The following PLEKHM2 variants were observed in gnomAD, a reference collection of about 807,000 sequenced individuals.
PLEKHM2 encodes pleckstrin homology and RUN domain containing M2.
Under a neutral mutation model 116.3 loss-of-function variants are expected in PLEKHM2, and 77 were observed. That is an observed-to-expected ratio of 0.66 (90% CI 0.55 to 0.80). The LOEUF (loss-of-function observed/expected upper bound fraction) is 0.80, where lower values mean the gene tolerates loss of function less well. PLEKHM2 is among the 30% of genes least tolerant of loss of function. The pLI, the probability that PLEKHM2 is intolerant of heterozygous loss-of-function variation, is 0.00. For synonymous variants in PLEKHM2, 562 were observed against 571.0 expected (o/e 0.98, Z 0.22); for missense variants, 1,183 against 1,354.9 (o/e 0.87, Z 1.99).
intron 8 of PLEKHM2, among the ~76,000 whole-genome samples, chr1:15,726,339 C>G (rs1046487868): frequency 2.6e-5 from 4 of 152,216 alleles, no homozygotes; most frequent in African/African-American, 9.7e-5. Context: ...CTCCCCGACC[C>G]CCTCTTAAAA....
In PLEKHM2 at chr1:15,728,364, G is replaced by A. The variant is rs370152002; in HGVS notation, c.1921+7G>A. The A allele has an allele frequency of 3.8e-5, 61 of 1,609,496 alleles. 1 individual carries two copies. Among genetic ancestry groups the A allele is most frequent in the African/African-American group, 3.7e-4 (28 of 74,878 alleles). ...GTCTACCTGCTCCGGAAAGGTGCCC[G>A]CCGCCCCCGGGCAGACAGCGGGTTG... On this transcript the variant is annotated splice_region_variant and intron_variant, in intron 11 of 19. Transcript: ENST00000375799. The surrounding 1 kb of genome is among the most constrained non-coding windows in gnomAD (Gnocchi z 5.9).
chr1:15,701,259 C>G (rs1252371451), intron 1 of PLEKHM2, among the ~76,000 whole-genome samples: 2 of 150,880 alleles, frequency 1.3e-5, no homozygotes, highest in Non-Finnish European at 2.9e-5. Context: ...TGGTGAAACC[C>G]CATCTCTACT....
Position 15,732,607 on chromosome 1 carries a change from C to T in PLEKHM2, c.2806-5C>T. ...CTGCTCACCCGGGGGCCTGGCTCTC[C>T]CTAGGAGTTCTCCCAGGACAGCCAG... On this transcript the variant is annotated splice_polypyrimidine_tract_variant and splice_region_variant and intron_variant, in intron 18 of 19. Coordinates refer to ENST00000375799, the MANE Select transcript of PLEKHM2 (RefSeq NM_015164.4). 1 of 1,599,282 alleles carries T rather than the reference C, an allele frequency of 6.3e-7. No individual in the cohort carries two copies. Among genetic ancestry groups the T allele is most frequent in the Non-Finnish European group, 8.5e-7 (1 of 1,173,232 alleles).
chr1:15,731,215 C>T lies in PLEKHM2; in HGVS notation c.2423C>T (p.Pro808Leu), dbSNP rs1473188111. Residue 808 changes from proline (P) to leucine (L), a missense_variant, in exon 16 of 20, where the codon CCG becomes CTG. Coordinates refer to ENST00000375799, the MANE Select transcript of PLEKHM2 (RefSeq NM_015164.4). Reference sequence around the variant, plus strand: ...AGCAACGGGATCCTCTACCAGTACCCGGACCGCACCGACGTCATCCCTCTG... The same window carrying T: ...AGCAACGGGATCCTCTACCAGTACCTGGACCGCACCGACGTCATCCCTCTG... ...VLSNGILYQYPDRTDVIPLLS... is the reference protein window; with the variant it reads ...VLSNGILYQYLDRTDVIPLLS... 8 of 1,598,588 alleles carry T rather than the reference C, an allele frequency of 5.0e-6. No homozygotes were observed. The highest frequency in any genetic ancestry group is 6.0e-6 in the Non-Finnish European group (7 of 1,172,474).
At chr1:15,718,139 C>G (rs1456559596) in intron 4 of PLEKHM2, 147 bp downstream of exon 4, 9 of 637,516 alleles carry the variant, frequency 1.4e-5, no homozygotes, top group Non-Finnish European at 2.5e-5. Context: ...GGGTAGCCTT[C>G]ACCAGGAGCA....
intron 1 of PLEKHM2, among the ~76,000 whole-genome samples, chr1:15,712,380 A>G (rs1641353345): frequency 6.6e-6 from 1 of 152,176 alleles, no homozygotes; most frequent in Non-Finnish European, 1.5e-5. Context: ...GACATTCTAG[A>G]CGGCCAGGTG....
intron 1 of PLEKHM2, among the ~76,000 whole-genome samples, chr1:15,705,999 G>A (rs1641218163): frequency 1.3e-5 from 2 of 152,122 alleles, no homozygotes; most frequent in South Asian, 2.1e-4. Flanking sequence ...TGAAGTGGGA[G>A]GATCGATTGA....
In PLEKHM2 at chr1:15,727,853, G is replaced by C. The variant is rs1486262118; in HGVS notation, c.1760+21G>C. 6 of 1,514,074 alleles carry C rather than the reference G, an allele frequency of 4.0e-6. No individual in the cohort carries two copies. The Admixed American group carries it at 6.0e-5, about 15-fold the overall frequency. The allele number at this position is 1,514,074 out of a possible 1,614,324, so 93.8% of individuals were successfully genotyped here. ...TTCAGGTAACAAGACTCTGCAGCTG[G>C]CATGGGACTCTCCCAGCCCTTGAAG... On this transcript the variant is annotated intron_variant, in intron 9 of 19. Coordinates refer to ENST00000375799, the MANE Select transcript of PLEKHM2 (RefSeq NM_015164.4). This position sits in a 1 kb window ranked among gnomAD's most constrained non-coding sequence, Gnocchi z 7.5.
chr1:15,716,149 T>C (rs76087866), intron 1 of PLEKHM2, 88 bp from the exon 2 acceptor site: 1 of 791,674 alleles, frequency 1.3e-6, no homozygotes, highest in African/African-American at 1.8e-5. Context: ...ATTTGACTAA[T>C]TTTTTTTAGC....
Position 15,730,570 on chromosome 1 carries a change from C to A in PLEKHM2, c.2247C>A (p.His749Gln), listed in dbSNP as rs897265600. 1 of 1,603,254 alleles carries A rather than the reference C, an allele frequency of 6.2e-7. No homozygotes were observed. Among genetic ancestry groups the A allele is most frequent in the Admixed American group, 1.7e-5 (1 of 58,790 alleles). ...AVTVRFYGLV[H>Q]WEDPTDESLG... ...CCGTGCGCTTCTACGGCCTTGTGCA[C>A]TGGGAGGACCCCACAGACGAGTCCC... The change falls in exon 15 of 20, where the codon CAC becomes CAA. Residue 749 changes from histidine (H) to glutamine (Q), a missense_variant. This residue lies in a region of PLEKHM2 where 594 missense variants were observed against 720.1 expected (regional missense o/e 0.82). Coordinates refer to ENST00000375799, the MANE Select transcript of PLEKHM2 (RefSeq NM_015164.4).
intron 1 of PLEKHM2, among the ~76,000 whole-genome samples, chr1:15,693,754 G>T (rs533859234): frequency 6.6e-6 from 1 of 152,322 alleles, no homozygotes; most frequent in Non-Finnish European, 1.5e-5. Flanking sequence ...TGACACAAAT[G>T]TTAGGTCTGG....
At position 15,719,991 on chromosome 1, in the gene PLEKHM2, G is replaced by A. The variant is rs2067968254; in HGVS notation, c.652+71G>A. On this transcript the variant is annotated intron_variant, in intron 6 of 19. Transcript: ENST00000375799. The surrounding 1 kb of genome is among the most constrained non-coding windows in gnomAD (Gnocchi z 4.1). ...GACTTGAACTGCTTAAGCCTGGCTGGGTGATGTCTTCCTTGGCTAGTTTTG... is the reference window on the plus strand; with the variant it reads ...GACTTGAACTGCTTAAGCCTGGCTGAGTGATGTCTTCCTTGGCTAGTTTTG... 1.6e-6 allele frequency: 2 copies of A among 1,285,556 alleles called. No homozygotes were observed. The highest frequency in any genetic ancestry group is 3.0e-5 in the South Asian group (2 of 66,472). 79.6% of individuals were successfully genotyped at this position (1,285,556 alleles called of 1,614,324 possible). A position where few individuals can be genotyped will look rare whatever the true frequency, so the allele number is the denominator to read the frequency against.
chr1:15,700,693 T>A (rs1197386729), intron 1 of PLEKHM2, among the ~76,000 whole-genome samples: 1 of 152,184 alleles, frequency 6.6e-6, no homozygotes, highest in Admixed American at 6.5e-5. Context: ...TTCTAAGGGC[T>A]CTTCTGCTCT....
intron 4 of PLEKHM2, 60 bp from the exon 5 acceptor site, chr1:15,718,478 G>A (rs1641491152): frequency 1.0e-6 from 1 of 997,466 alleles, no homozygotes; most frequent in African/African-American, 1.6e-5. Context: ...ATGTTGGTAA[G>A]GTTAGGCCAG....
intron 1 of PLEKHM2, among the ~76,000 whole-genome samples, chr1:15,704,250 C>T (rs74054827): frequency 0.03 from 4,569 of 151,930 alleles, 236 homozygotes; most frequent in African/African-American, 0.1. Context: ...TTGGCAAAAC[C>T]GGTCAAAGGG....
In PLEKHM2 at chr1:15,727,685, C is replaced by T. The variant is rs927240759; in HGVS notation, c.1613C>T (p.Pro538Leu). Residue 538 changes from proline to leucine, a missense_variant, in exon 9 of 20, where the codon CCT becomes CTT. Physicochemically the swap from Pro to Leu is moderately conservative, Grantham distance 98. Coordinates refer to ENST00000375799, the MANE Select transcript of PLEKHM2 (RefSeq NM_015164.4). The surrounding 1 kb of genome is among the most constrained non-coding windows in gnomAD (Gnocchi z 7.5). ...CAGCTGTCCCTGGTCAGGGAGGGGC[C>T]TGTGTCTGAGCCAGAGCCTGGGACC... ...EAQLSLVREG[P>L]VSEPEPGTQE... is the part of the protein sequence containing the mutation. The T allele has an allele frequency of 2.0e-5, 32 of 1,594,822 alleles. 1 individual carries two copies. In the East Asian group the frequency reaches 7.3e-4, roughly 36 times the overall value.
intron 1 of PLEKHM2, among the ~76,000 whole-genome samples, chr1:15,691,684 T>C (rs1640891072): frequency 6.6e-6 from 1 of 152,208 alleles, no homozygotes; most frequent in Non-Finnish European, 1.5e-5. Flanking sequence ...CGCTGGTGAA[T>C]GAGCCACAGC....
At position 15,732,391 on chromosome 1, in the gene PLEKHM2, C is replaced by T; in HGVS notation, c.2667C>T (p.Cys889=). Residue 889 remains cysteine, a synonymous_variant, in exon 18 of 20, where the codon TGC becomes TGT. Coordinates refer to ENST00000375799, the MANE Select transcript of PLEKHM2 (RefSeq NM_015164.4). ...QGVAPSPCIP[C]CLVLTDDRLF... ...TAGCTCCCAGCCCCTGCATACCCTG[C>T]TGCCTGGTCCTCACGGATGACCGCC... 1 of 1,562,800 alleles carries T rather than the reference C, an allele frequency of 6.4e-7. No individual in the cohort carries two copies. The highest frequency in any genetic ancestry group is 8.7e-7 in the Non-Finnish European group (1 of 1,153,648).
intron 1 of PLEKHM2, among the ~76,000 whole-genome samples, chr1:15,700,696 T>C (rs2148340334): frequency 6.6e-6 from 1 of 152,304 alleles, no homozygotes; most frequent in Admixed American, 6.5e-5. Flanking sequence ...TAAGGGCTCT[T>C]CTGCTCTTCG....
Sources: allele counts gnomAD v4.1 joint callset (sites outside exome capture counted in the v4.1 genomes callset), GRCh38; gene constraint gnomAD v4.1.1; regional missense constraint gnomAD v4.1.1; non-coding constraint Gnocchi (gnomAD v3.1); transcripts MANE v1.5; gene names NCBI Gene and HGNC (gene_info 2026-07-23, HGNC 2026-07-21).